ZC4H2: variants seen among roughly 807,000 people sequenced by gnomAD.
The protein encoded by ZC4H2 is zinc finger C4H2-type containing.
For synonymous variants in ZC4H2, 84 were observed against 66.3 expected, an observed-to-expected ratio of 1.27 and a Z score of -1.30; for missense variants, 137 against 173.9, an observed-to-expected ratio of 0.79 and a Z score of 1.19.
intron 1 of ZC4H2, among the ~76,000 whole-genome samples, chrX:65,012,697 C>G (rs1038911534): frequency 8.9e-6 from 1 of 111,764 alleles, no homozygotes; most frequent in Admixed American, 9.6e-5. Context: ...ATAAACAATT[C>G]CAACTACAGT....
chrX:64,959,655 C>T (rs1392682566), intron 1 of ZC4H2, among the ~76,000 whole-genome samples: 2 of 108,495 alleles, frequency 1.8e-5, no homozygotes, highest in African/African-American at 6.7e-5. Context: ...TAAATGACAA[C>T]CTAAATACAT....
intron 1 of ZC4H2, among the ~76,000 whole-genome samples, chrX:64,972,178 G>A (rs1243493721): frequency 8.9e-6 from 1 of 111,770 alleles, no homozygotes; most frequent in African/African-American, 3.3e-5. Flanking sequence ...AGGATTTGGA[G>A]GCTGAGGTTG....
rs764245063 is a variant in ZC4H2 at position 64,919,120 on chromosome X, G to A, written c.483C>T (p.Ala161=). The A allele has an allele frequency of 7.5e-6, 9 of 1,202,590 alleles. No individual in the cohort carries two copies. The highest frequency in any genetic ancestry group is 2.2e-5 in the Admixed American group (1 of 45,184). ...TCCTAGCCACTTGGAGCTGTTGGGC[G>A]GCAGCGGCTGCAGCGGCCAGGGACT... ...IPESLAAAAA[A]AQQLQVARKQ... is the part of the protein sequence containing the mutation. The change falls in exon 4 of 5, where the codon GCC becomes GCT. Residue 161 remains alanine (A), a synonymous_variant. Coordinates refer to ENST00000374839, the MANE Select transcript of ZC4H2 (RefSeq NM_018684.4).
chrX:64,946,518 T>C (rs1374261786), intron 1 of ZC4H2, among the ~76,000 whole-genome samples: 1 of 109,326 alleles, frequency 9.1e-6, no homozygotes, highest in Non-Finnish European at 1.9e-5. Context: ...TGCTGGGAAC[T>C]GCAGATCAGA....
intron 1 of ZC4H2, among the ~76,000 whole-genome samples, chrX:64,936,398 A>T (rs763578115): frequency 9.0e-6 from 1 of 111,377 alleles, no homozygotes; most frequent in Non-Finnish European, 1.9e-5. Flanking sequence ...ACAGACCAAC[A>T]TTCAAATTCG....
chrX:65,011,521 A>C (rs1402581477), intron 1 of ZC4H2, among the ~76,000 whole-genome samples: 2 of 111,137 alleles, frequency 1.8e-5, no homozygotes, highest in African/African-American at 6.5e-5. Context: ...TGCAATTTAC[A>C]GTCTTTTTTG....
chrX:64,999,235 T>C (rs1346376605), intron 1 of ZC4H2, among the ~76,000 whole-genome samples: 1 of 110,536 alleles, frequency 9.0e-6, no homozygotes. Flanking sequence ...CCAACTGAGG[T>C]ACGTGGCTCA....
At chrX:65,034,071 A>G (rs984626935) in intron 1 of ZC4H2, among the ~76,000 whole-genome samples, 5 of 102,399 alleles carry the variant, frequency 4.9e-5, no homozygotes, top group Non-Finnish European at 9.8e-5. Context: ...CCTGGGCGAC[A>G]GAGTAAGACT....
chrX:65,006,471 G>C (rs1466873313), intron 1 of ZC4H2, among the ~76,000 whole-genome samples: 4 of 108,097 alleles, frequency 3.7e-5, no homozygotes, highest in African/African-American at 1.4e-4. Context: ...AAAAAACCAA[G>C]CACTGCATGT....
intron 1 of ZC4H2, among the ~76,000 whole-genome samples, chrX:64,993,549 C>T (rs1213018977): frequency 1.8e-5 from 2 of 111,542 alleles, no homozygotes; most frequent in Non-Finnish European, 1.9e-5. Context: ...GACAGTCATC[C>T]ATGAGGAAGC....
chrX:64,933,910 T>C (rs1929869109), intron 1 of ZC4H2, among the ~76,000 whole-genome samples: 1 of 111,890 alleles, frequency 8.9e-6, no homozygotes, highest in Non-Finnish European at 1.9e-5. Flanking sequence ...TACATAATGG[T>C]AGGCTAAGAC....
intron 1 of ZC4H2, among the ~76,000 whole-genome samples, chrX:64,966,430 A>G (rs1333292379): frequency 8.9e-6 from 1 of 112,612 alleles, no homozygotes; most frequent in Non-Finnish European, 1.9e-5. Flanking sequence ...AATATGAAAC[A>G]GAAATCTCAC....
intron 1 of ZC4H2, among the ~76,000 whole-genome samples, chrX:64,929,260 C>A (rs144610840): frequency 1.0e-3 from 114 of 111,061 alleles, no homozygotes; most frequent in African/African-American, 3.7e-3. Flanking sequence ...CTTGTAGATT[C>A]TGGGTATTAG....
chrX:65,020,435 T>G (rs1932828413), intron 1 of ZC4H2, among the ~76,000 whole-genome samples: 1 of 111,613 alleles, frequency 9.0e-6, no homozygotes, highest in African/African-American at 3.3e-5. Flanking sequence ...CCAGTCAAAC[T>G]AAGCTTCATA....
At chrX:64,968,796 A>G (rs1194553386) in intron 1 of ZC4H2, among the ~76,000 whole-genome samples, 2 of 111,233 alleles carry the variant, frequency 1.8e-5, no homozygotes, top group East Asian at 2.8e-4. Flanking sequence ...TTGTGCTTCT[A>G]TAACACAATA....
chrX:65,000,701 C>T (rs965688724), intron 1 of ZC4H2, among the ~76,000 whole-genome samples: 11 of 111,834 alleles, frequency 9.8e-5, no homozygotes, highest in Admixed American at 2.8e-4. Context: ...AAAGGTTAGA[C>T]GAATTGCTAA....
intron 1 of ZC4H2, among the ~76,000 whole-genome samples, chrX:64,941,623 A>G: frequency 8.9e-6 from 1 of 112,150 alleles, no homozygotes; most frequent in Non-Finnish European, 1.9e-5. Flanking sequence ...ATTTTATCGA[A>G]TGTCTTTTCT....
chrX:64,972,595 G>T (rs973948458), intron 1 of ZC4H2, among the ~76,000 whole-genome samples: 1 of 111,807 alleles, frequency 8.9e-6, no homozygotes, highest in Non-Finnish European at 1.9e-5. Flanking sequence ...TGCATGCCAT[G>T]TGAATAGGAG....
intron 1 of ZC4H2, among the ~76,000 whole-genome samples, chrX:64,961,985 C>T (rs1390747238): frequency 2.7e-5 from 3 of 111,275 alleles, no homozygotes; most frequent in African/African-American, 6.5e-5. Context: ...CTGACAGACA[C>T]TTAAAGAAGA....
Sources: gnomAD v4.1 joint callset for allele counts (sites outside exome capture counted in the v4.1 genomes callset) on GRCh38, gnomAD v4.1.1 for gene constraint, MANE v1.5 for transcripts, NCBI Gene and HGNC (gene_info 2026-07-23, HGNC 2026-07-21) for gene names.